The following AEBP2 variants were observed in gnomAD, a reference collection of about 807,000 sequenced individuals.
AEBP2 encodes the protein zinc finger protein AEBP2.
A neutral mutation model predicts 50.8 loss-of-function variants in AEBP2; 10 were observed. The ratio of observed to expected loss-of-function variants is 0.20; its 90% confidence interval spans 0.12 to 0.33. The LOEUF (loss-of-function observed/expected upper bound fraction) is 0.33, where lower values mean the gene tolerates loss of function less well. Ranked by LOEUF, AEBP2 falls within the 10% of genes least tolerant of loss-of-function variation. The pLI, the probability that AEBP2 is intolerant of heterozygous loss-of-function variation, is 1.00. For missense variants in AEBP2, 570 were observed against 688.0 expected (o/e 0.83, Z 1.92); for synonymous variants, 296 against 261.3 (o/e 1.13, Z -1.28).
chr12:19,510,989 G>GCAC (rs1949224372), intron 5 of AEBP2, among the ~76,000 whole-genome samples: 1 of 148,460 alleles, frequency 6.7e-6, no homozygotes, highest in South Asian at 2.2e-4. Context: ...CTACAGGCAA[G>GCAC]CACCACCATA....
intron 3 of AEBP2, among the ~76,000 whole-genome samples, chr12:19,478,152 A>G (rs1948677878): frequency 6.6e-6 from 1 of 151,660 alleles, no homozygotes; most frequent in Non-Finnish European, 1.5e-5. Context: ...TACCTTTTGT[A>G]TTGTTGTTGT....
At chr12:19,453,859 G>T (rs1307973950) in intron 1 of AEBP2, among the ~76,000 whole-genome samples, 1 of 150,020 alleles carries the variant, frequency 6.7e-6, no homozygotes, top group East Asian at 2.0e-4. Context: ...GGTGGAGGCG[G>T]GATCACAGCT....
intron 3 of AEBP2, among the ~76,000 whole-genome samples, chr12:19,476,910 G>A (rs1335502251): frequency 6.6e-6 from 1 of 152,108 alleles, no homozygotes; most frequent in African/African-American, 2.4e-5. Flanking sequence ...TGGCAGTATT[G>A]TCATATTCAC....
intron 1 of AEBP2, among the ~76,000 whole-genome samples, chr12:19,462,114 A>G (rs1196454239): frequency 2.6e-5 from 4 of 152,200 alleles, no homozygotes; most frequent in African/African-American, 9.6e-5. Context: ...AGCTATAAAG[A>G]TAATGCTTTG....
chr12:19,489,312 AG>A (rs1948860839), intron 3 of AEBP2, among the ~76,000 whole-genome samples: 6 of 152,242 alleles, frequency 3.9e-5, no homozygotes, highest in Admixed American at 3.3e-4. Flanking sequence ...CTTCTTCACA[AG>A]GTGGTGGCAG....
At chr12:19,475,579 T>A (rs924090162) in intron 3 of AEBP2, among the ~76,000 whole-genome samples, 4 of 152,126 alleles carry the variant, frequency 2.6e-5, no homozygotes, top group Non-Finnish European at 5.9e-5. Context: ...ATATAATGAC[T>A]TTTTCCCAGT....
At chr12:19,452,111 G>A (rs1250410089) in intron 1 of AEBP2, among the ~76,000 whole-genome samples, 4 of 152,038 alleles carry the variant, frequency 2.6e-5, no homozygotes, top group Non-Finnish European at 4.4e-5. Context: ...GGCTGGTCTC[G>A]AACTCCTGAC....
chr12:19,481,284 G>C (rs566342724), intron 3 of AEBP2, among the ~76,000 whole-genome samples: 1 of 150,612 alleles, frequency 6.6e-6, no homozygotes, highest in South Asian at 2.1e-4. Context: ...TATTTTTTTA[G>C]TAGAGGCAGG....
At chr12:19,462,009 C>T (rs1450993144) in intron 1 of AEBP2, among the ~76,000 whole-genome samples, 1 of 151,902 alleles carries the variant, frequency 6.6e-6, no homozygotes, top group Non-Finnish European at 1.5e-5. Context: ...CAAAATTTCC[C>T]CAATTCTTTG....
intron 4 of AEBP2, among the ~76,000 whole-genome samples, chr12:19,497,615 G>C (rs532452924): frequency 6.6e-6 from 1 of 152,078 alleles, no homozygotes; most frequent in East Asian, 1.9e-4. Flanking sequence ...TGGGACTACC[G>C]GCACACACTA....
intron 7 of AEBP2, among the ~76,000 whole-genome samples, chr12:19,515,086 T>C (rs920892142): frequency 1.3e-5 from 2 of 152,256 alleles, no homozygotes; most frequent in African/African-American, 4.8e-5. Flanking sequence ...GGTAATTCTT[T>C]TTATAATAAC....
At chr12:19,511,856 A>G (rs1592784737) in intron 5 of AEBP2, among the ~76,000 whole-genome samples, 3 of 151,792 alleles carry the variant, frequency 2.0e-5, no homozygotes, top group South Asian at 2.1e-4. Flanking sequence ...AAACACTACT[A>G]TAGGTGGTAT....
chr12:19,439,051 C>T (rs1947892305), upstream of AEBP2, among the ~76,000 whole-genome samples: 1 of 152,210 alleles, frequency 6.6e-6, no homozygotes, highest in African/African-American at 2.4e-5. Context: ...TCAACATCTC[C>T]AGGGGTATTC....
chr12:19,457,822 G>A (rs1273727969), intron 1 of AEBP2, among the ~76,000 whole-genome samples: 1 of 152,168 alleles, frequency 6.6e-6, no homozygotes, highest in Non-Finnish European at 1.5e-5. Context: ...CCCTAAACCT[G>A]CTGAATCAGA....
At chr12:19,407,539 T>C (rs1312387243) in intron 1 of AEBP2, among the ~76,000 whole-genome samples, 1 of 152,052 alleles carries the variant, frequency 6.6e-6, no homozygotes, top group Non-Finnish European at 1.5e-5. Flanking sequence ...CCTGACCTCA[T>C]GATCTGACTG....
At chr12:19,490,638 G>T (rs951615309) in intron 3 of AEBP2, among the ~76,000 whole-genome samples, 24 of 151,984 alleles carry the variant, frequency 1.6e-4, no homozygotes, top group African/African-American at 5.8e-4. Context: ...GCTAATTTTT[G>T]TATTTTTATT....
intron 1 of AEBP2, among the ~76,000 whole-genome samples, chr12:19,461,118 A>T (rs1392758244): frequency 6.6e-6 from 1 of 152,196 alleles, no homozygotes; most frequent in African/African-American, 2.4e-5. Flanking sequence ...TCCATGATAA[A>T]AACTTGGCGG....
chr12:19,484,125 G>T (rs1447213004), intron 3 of AEBP2, among the ~76,000 whole-genome samples: 1 of 152,052 alleles, frequency 6.6e-6, no homozygotes, highest in African/African-American at 2.4e-5. Flanking sequence ...TGTCGCCCAG[G>T]CTAGATGGAG....
At chr12:19,516,891 G>A (rs1055141930) in intron 7 of AEBP2, among the ~76,000 whole-genome samples, 2 of 152,062 alleles carry the variant, frequency 1.3e-5, no homozygotes, top group African/African-American at 2.4e-5. Flanking sequence ...GTCGGACGTA[G>A]TGTTGCACGC....
Sources: gnomAD v4.1 joint callset for allele counts (sites outside exome capture counted in the v4.1 genomes callset) on GRCh38, gnomAD v4.1.1 for gene constraint, MANE v1.5 for transcripts, NCBI Gene and HGNC (gene_info 2026-07-23, HGNC 2026-07-21) for gene names.